The following MRM2 variants were observed in gnomAD, a reference collection of about 807,000 sequenced individuals.
MRM2 encodes mitochondrial rRNA methyltransferase 2.
MRM2 carries 15 observed loss-of-function variants against 10.9 expected under a neutral mutation model. The ratio of observed to expected loss-of-function variants is 1.37; its 90% CI spans 0.92 to 2.11. The LOEUF (loss-of-function observed/expected upper bound fraction) is 2.11, where lower values mean the gene tolerates loss of function less well. Among genes scored for constraint, MRM2 ranks in the 30% most tolerant of loss-of-function variants. MRM2 has a pLI of 0.00. For missense variants in MRM2, 328 were observed against 321.3 expected (o/e 1.02, Z -0.16); for synonymous variants, 139 against 128.7 (o/e 1.08, Z -0.54).
In MRM2 at chr7:2,239,190, G is replaced by A. The variant is rs762304984; in HGVS notation, c.298+228C>T. The stretch of plus-strand genomic sequence containing the variant: ...ATGCTGGTGCTGGTACCTGCGGGCG[G>A]TCTCATGCGAGGTGATTTCCATGTT... On this transcript the variant is annotated intron_variant, in intron 2 of 2. Transcript: ENST00000242257. 5 of 781,478 alleles carry A rather than the reference G, an allele frequency of 6.4e-6. No homozygotes were observed. In the Admixed American group the frequency reaches 8.5e-5, roughly 13 times the overall value. The allele number at this position is 781,478 out of a possible 1,614,324, so 48.4% of individuals were successfully genotyped here.
intron 2 of MRM2, among the ~76,000 whole-genome samples, chr7:2,237,060 C>T (rs1794431619): frequency 1.3e-5 from 2 of 152,126 alleles, no homozygotes; most frequent in African/African-American, 2.4e-5. Context: ...GGCCTCACTC[C>T]GTTGCACGGC....
rs941804372 is a variant in MRM2, at chr7:2,234,948, T to G, written c.*174A>C. 1 of 602,064 alleles carries G rather than the reference T, an allele frequency of 1.7e-6. No individual in the cohort carries two copies. The highest frequency in any genetic ancestry group is 2.9e-6 in the Non-Finnish European group (1 of 341,606). The allele number at this position is 602,064 out of a possible 1,614,324, so 37.3% of individuals were successfully genotyped here. The stretch of plus-strand genomic sequence containing the variant: ...TTTCCATGGCCCCTGAACTTAGTTT[T>G]GTCATCTCTTTTTGGTTAAAAAGAG... On this transcript the variant is annotated 3_prime_UTR_variant, in exon 3 of 3. Transcript: ENST00000242257.
At chr7:2,238,365 T>C (rs750760954) in intron 2 of MRM2, 3 of 152,240 alleles carry the variant, frequency 2.0e-5, no homozygotes, top group Non-Finnish European at 4.4e-5. Context: ...AGGATGAAAC[T>C]TTCCCAATGA....
intron 2 of MRM2, among the ~76,000 whole-genome samples, chr7:2,236,000 C>A (rs1470519161): frequency 6.6e-6 from 1 of 152,126 alleles, no homozygotes. Flanking sequence ...GAGGCTGACA[C>A]GGGTGGATCA....
At chr7:2,239,378 A>C in intron 2 of MRM2, 40 bp downstream of exon 2, 1 of 1,572,896 alleles carries the variant, frequency 6.4e-7, no homozygotes, top group Non-Finnish European at 8.6e-7. Flanking sequence ...ACTCAGCCTC[A>C]GGGGAGCCAG....
intron 2 of MRM2, among the ~76,000 whole-genome samples, chr7:2,237,723 C>T (rs1042586946): frequency 6.6e-6 from 1 of 151,942 alleles, no homozygotes; most frequent in African/African-American, 2.4e-5. Flanking sequence ...GGGCGGATCA[C>T]CTGAGGCCTG....
chr7:2,242,150 C>A lies in MRM2; in HGVS notation c.8+12G>T, dbSNP rs1276287371. 2 of 1,582,890 alleles carry A rather than the reference C, an allele frequency of 1.3e-6. No homozygotes were observed. Among genetic ancestry groups the A allele is most frequent in the South Asian group, 1.1e-5 (1 of 88,062 alleles). ...CCGCTGTCTGCACGCGCAGCAGCAG[C>A]GCCCAGCTCACCCCGCCATTGGTGT... is the stretch of plus-strand genomic sequence containing the variant. On this transcript the variant is annotated intron_variant, in intron 1 of 2. Coordinates refer to ENST00000242257, the MANE Select transcript of MRM2 (RefSeq NM_013393.3).
chr7:2,236,372 G>C (rs73291577), intron 2 of MRM2, among the ~76,000 whole-genome samples: 2,450 of 152,058 alleles, frequency 0.016, 67 homozygotes, highest in African/African-American at 0.056. Flanking sequence ...TGAGGAAAAT[G>C]AACAGATATA....
At chr7:2,242,139 C>G in intron 1 of MRM2, 23 bp downstream of exon 1, 1 of 1,583,182 alleles carries the variant, frequency 6.3e-7, no homozygotes. Context: ...TGTCTGCACG[C>G]GCAGCAGCAG....
chr7:2,235,076 G>A lies in MRM2; in HGVS notation c.*46C>T, dbSNP rs763004176. The A allele has an allele frequency of 1.4e-6, 2 of 1,451,848 alleles. No homozygotes were observed. The highest frequency in any genetic ancestry group is 1.4e-5 in the African/African-American group (1 of 71,542). The allele number at this position is 1,451,848 out of a possible 1,614,324, so 89.9% of individuals were successfully genotyped here. On this transcript the variant is annotated 3_prime_UTR_variant, in exon 3 of 3. Coordinates refer to ENST00000242257, the MANE Select transcript of MRM2 (RefSeq NM_013393.3). ...TTCAGGAGCTCAGGCTACGTTTCTA[G>A]CTTAAAAGGAGCTAATGACCATTAT...
chr7:2,242,177 C>A lies in MRM2; in HGVS notation c.-8G>T, dbSNP rs766905592. 11 of 1,585,014 alleles carry A rather than the reference C, an allele frequency of 6.9e-6. No homozygotes were observed. In the Admixed American group the frequency reaches 1.9e-4, roughly 27 times the overall value. The stretch of plus-strand genomic sequence containing the variant: ...CCCAGCTCACCCCGCCATTGGTGTT[C>A]CCCGCGCCTGCAGCGCGCCGCCGGA... On this transcript the variant is annotated 5_prime_UTR_variant, in exon 1 of 3. Transcript: ENST00000242257.
rs752546380 is a variant in MRM2 at position 2,235,198 on chromosome 7, G to C, written c.665C>G (p.Ala222Gly). The C allele has an allele frequency of 6.2e-7, 1 of 1,614,028 alleles. No homozygotes were observed. Among genetic ancestry groups the C allele is most frequent in the African/African-American group, 1.3e-5 (1 of 75,026 alleles). The change falls in exon 3 of 3, where the codon GCC becomes GGC. Residue 222 changes from alanine to glycine, a missense_variant. Transcript: ENST00000242257. ...FQNVRIIKPE[A>G]SRKESSEVYF... Reference sequence around the variant, plus strand: ...CACTTCTGATGACTCTTTCCTGCTGGCTTCAGGTTTGATGATCCTTACATT... The same window carrying C: ...CACTTCTGATGACTCTTTCCTGCTGCCTTCAGGTTTGATGATCCTTACATT...
intron 2 of MRM2, 85 bp from the exon 3 acceptor site, chr7:2,235,649 T>A (rs1209503556): frequency 1.0e-6 from 1 of 962,870 alleles, no homozygotes; most frequent in Non-Finnish European, 1.5e-6. Flanking sequence ...AGTGATGAAA[T>A]AAAAATAAAA....
Position 2,235,187 on chromosome 7 carries a change from C to G in MRM2, c.676G>C (p.Glu226Gln), listed in dbSNP as rs1423843677. The G allele has an allele frequency of 1.2e-6, 2 of 1,614,030 alleles. No individual in the cohort carries two copies. The highest frequency in any genetic ancestry group is 8.5e-7 in the Non-Finnish European group (1 of 1,180,002). Reference protein sequence around the residue: ...RIIKPEASRKESSEVYFLATQ... With the variant: ...RIIKPEASRKQSSEVYFLATQ... ...GCCAAGAAGTACACTTCTGATGACT[C>G]TTTCCTGCTGGCTTCAGGTTTGATG... Residue 226 changes from glutamate to glutamine, a missense_variant, in exon 3 of 3, where the codon GAG becomes CAG. Coordinates refer to ENST00000242257, the MANE Select transcript of MRM2 (RefSeq NM_013393.3).
At chr7:2,239,005 AT>A (rs1562401657) in intron 2 of MRM2, 5,858 of 131,740 alleles carry the variant, frequency 0.044, 657 homozygotes, top group East Asian at 0.078. Flanking sequence ...ATATATATAT[AT>A]ATATATATAT....
Position 2,239,725 on chromosome 7 carries a change from G to A in MRM2, c.9-18C>T. 6.2e-7 allele frequency: 1 copy of A among 1,605,332 alleles called. No homozygotes were observed. Among genetic ancestry groups the A allele is most frequent in the Non-Finnish European group, 8.5e-7 (1 of 1,173,642 alleles). On this transcript the variant is annotated intron_variant, in intron 1 of 2. Coordinates refer to ENST00000242257, the MANE Select transcript of MRM2 (RefSeq NM_013393.3). Reference sequence around the variant, plus strand: ...TCAAGTACCTGGTGGGAGAGAAGAGGAGCAGGCAGGTTGGCATCACACAGA... The same window carrying A: ...TCAAGTACCTGGTGGGAGAGAAGAGAAGCAGGCAGGTTGGCATCACACAGA...
At position 2,242,163 on chromosome 7, in the gene MRM2, C is replaced by CCG; in HGVS notation, c.5_6dup (p.Gly3ArgfsTer4). On this transcript the variant is annotated frameshift_variant and splice_region_variant, in exon 1 of 3. Transcript: ENST00000242257. LOFTEE classifies it high-confidence loss of function. ...GCGCAGCAGCAGCGCCCAGCTCACCCCGCCATTGGTGTTCCCCGCGCCTGC... is the reference window on the plus strand; with the variant it reads ...GCGCAGCAGCAGCGCCCAGCTCACCCCGCGCCATTGGTGTTCCCCGCGCCTGC... 1 of 1,589,364 alleles carries CCG rather than the reference C, an allele frequency of 6.3e-7. No homozygotes were observed. The highest frequency in any genetic ancestry group is 8.5e-7 in the Non-Finnish European group (1 of 1,172,522).
Position 2,242,171 on chromosome 7 carries a change from G to C in MRM2, c.-2C>G, listed in dbSNP as rs772721422. 1.3e-6 allele frequency: 2 copies of C among 1,587,724 alleles called. No individual in the cohort carries two copies. The highest frequency in any genetic ancestry group is 2.7e-5 in the African/African-American group (2 of 73,480). On this transcript the variant is annotated 5_prime_UTR_variant, in exon 1 of 3. Transcript: ENST00000242257. ...GCAGCGCCCAGCTCACCCCGCCATT[G>C]GTGTTCCCCGCGCCTGCAGCGCGCC...
At chr7:2,236,062 T>TCTA (rs1009251966) in intron 2 of MRM2, among the ~76,000 whole-genome samples, 2 of 151,976 alleles carry the variant, frequency 1.3e-5, no homozygotes, top group African/African-American at 4.8e-5. Flanking sequence ...AAACCCCATC[T>TCTA]CTACTAAAAA....
Sources: gnomAD v4.1 joint callset for allele counts (sites outside exome capture counted in the v4.1 genomes callset) on GRCh38, gnomAD v4.1.1 for gene constraint, MANE v1.5 for transcripts, NCBI Gene and HGNC (gene_info 2026-07-23, HGNC 2026-07-21) for gene names.